KCP: variants seen among roughly 807,000 people sequenced by gnomAD.
KCP encodes kielin cysteine rich BMP regulator.
KCP carries 194 observed loss-of-function variants against 212.7 expected under a neutral mutation model. The observed-to-expected ratio is 0.91, with a 90% CI of 0.81 to 1.03. The LOEUF (loss-of-function observed/expected upper bound fraction) is 1.03, where lower values mean the gene tolerates loss of function less well. Ranked by LOEUF, KCP falls within the 50% of genes least tolerant of loss-of-function variation. The pLI, the probability that KCP is intolerant of heterozygous loss-of-function variation, is 0.00. For missense variants in KCP, 2,080 were observed against 2,162.5 expected (o/e 0.96, Z 0.76); for synonymous variants, 833 against 865.3 (o/e 0.96, Z 0.65).
intron 5 of KCP, 159 bp from the exon 6 acceptor site, chr7:128,904,297 G>A (rs1179408050): frequency 6.4e-7 from 1 of 1,550,772 alleles, no homozygotes; most frequent in East Asian, 2.4e-5. Flanking sequence ...GCCGGCAGAT[G>A]GGGCAGCACT....
intron 28 of KCP, among the ~76,000 whole-genome samples, chr7:128,884,509 G>C (rs1793523373): frequency 6.6e-6 from 1 of 152,156 alleles, no homozygotes; most frequent in Admixed American, 6.5e-5. Flanking sequence ...CACGTCCCAG[G>C]TGGCTCTCCG....
chr7:128,894,402 T>A (rs915933145), intron 8 of KCP, 109 bp from the exon 9 acceptor site: 5 of 836,350 alleles, frequency 6.0e-6, no homozygotes, highest in Non-Finnish European at 7.2e-6. Flanking sequence ...TGGGTTGAAT[T>A]GTGTGTCCCC....
chr7:128,905,486 G>A (rs553312317), intron 5 of KCP, among the ~76,000 whole-genome samples: 3 of 152,068 alleles, frequency 2.0e-5, no homozygotes, highest in South Asian at 2.1e-4. Flanking sequence ...CTATTCCAGG[G>A]GACCCAGCCA....
chr7:128,877,852 G>T, intron 38 of KCP, 62 bp from the exon 39 acceptor site: 4 of 1,404,964 alleles, frequency 2.8e-6, no homozygotes, highest in Non-Finnish European at 2.9e-6. Flanking sequence ...TGCATGCCGT[G>T]CTCTTCAAAG....
chr7:128,906,239 G>A, intron 5 of KCP, 40 bp downstream of exon 5: 1 of 1,488,964 alleles, frequency 6.7e-7, no homozygotes, highest in Non-Finnish European at 9.2e-7. Context: ...GGCCAGAGAA[G>A]GCAAGCAGGA....
Position 128,877,736 on chromosome 7 carries a change from G to A in KCP, c.4366C>T (p.Pro1456Ser). The A allele has an allele frequency of 5.2e-6, 8 of 1,550,878 alleles. No homozygotes were observed. The highest frequency in any genetic ancestry group is 7.0e-6 in the Non-Finnish European group (8 of 1,146,962). Residue 1456 changes from proline to serine, a missense_variant, in exon 39 of 40, where the codon CCG becomes TCG. By Grantham distance (74) the Pro-to-Ser change is moderately conservative. Transcript: ENST00000610776. ...GCACGGTAACCTGCTGCCCGGCACG[G>A]ATCCACCTCTCGGCCTGCAGAACAG... Reference protein sequence around the residue: ...RPCSAGREVDPCRAAGYRARR... With the variant: ...RPCSAGREVDSCRAAGYRARR...
chr7:128,881,578 T>C, intron 31 of KCP, 48 bp downstream of exon 31: 2 of 1,339,156 alleles, frequency 1.5e-6, no homozygotes, highest in Non-Finnish European at 2.0e-6. Flanking sequence ...CTTCCTGTGT[T>C]CCCCCTGGGC....
At position 128,903,043 on chromosome 7, in the gene KCP, C is replaced by T. The variant is rs766613785; in HGVS notation, c.749-184G>A. On this transcript the variant is annotated intron_variant, in intron 7 of 39. Coordinates refer to ENST00000610776, the MANE Select transcript of KCP (RefSeq NM_001366122.1). Reference sequence around the variant, plus strand: ...CAGTGCCCCAGGCAGGGTGAGGCCTCAGTTCCTTAGCCCGCCCTTTCTGGT... The same window carrying T: ...CAGTGCCCCAGGCAGGGTGAGGCCTTAGTTCCTTAGCCCGCCCTTTCTGGT... The T allele has an allele frequency of 4.3e-4, 260 of 611,162 alleles. 2 individuals carry two copies. The highest frequency in any genetic ancestry group is 1.7e-3 in the Middle Eastern group (4 of 2,348). 37.9% of individuals were successfully genotyped at this position (611,162 alleles called of 1,614,324 possible).
chr7:128,905,615 C>G (rs1795084796), intron 5 of KCP, among the ~76,000 whole-genome samples: 1 of 152,234 alleles, frequency 6.6e-6, no homozygotes, highest in Admixed American at 6.5e-5. Flanking sequence ...GCATCTAGCC[C>G]TCACCAGGTG....
In KCP at chr7:128,890,368, C is replaced by T; in HGVS notation, c.2310G>A (p.Arg770=). The part of the protein sequence containing the change: ...CAPALCPFPA[R]GDCCPDCDGC... Reference sequence around the variant, plus strand: ...CATCACAGTCAGGGCAGCAGTCGCCCCTGGCAGGGAAGGGGCACAGTGCAG... The same window carrying T: ...CATCACAGTCAGGGCAGCAGTCGCCTCTGGCAGGGAAGGGGCACAGTGCAG... The change falls in exon 21 of 40, where the codon AGG becomes AGA. Residue 770 remains arginine (R), a synonymous_variant. Coordinates refer to ENST00000610776, the MANE Select transcript of KCP (RefSeq NM_001366122.1). 2 of 1,551,438 alleles carry T rather than the reference C, an allele frequency of 1.3e-6. No individual in the cohort carries two copies. Among genetic ancestry groups the T allele is most frequent in the Non-Finnish European group, 1.7e-6 (2 of 1,147,006 alleles).
intron 8 of KCP, among the ~76,000 whole-genome samples, chr7:128,901,791 T>G (rs555828179): frequency 6.6e-6 from 1 of 152,308 alleles, no homozygotes; most frequent in Non-Finnish European, 1.5e-5. Context: ...ACAGAGTCCT[T>G]AGTCCTCAGC....
Position 128,902,780 on chromosome 7 carries a change from G to C in KCP, c.828C>G (p.Cys276Trp), listed in dbSNP as rs1349610256. ...TPGDPCRICR[C>W]LEGHIQCRQR... is the part of the protein sequence containing the mutation. Reference sequence around the variant, plus strand: ...CAGGAGCAGCCTCAGGACTCACCAGGCACCGGCAGATTCGGCAGGGGTCCC... The same window carrying C: ...CAGGAGCAGCCTCAGGACTCACCAGCCACCGGCAGATTCGGCAGGGGTCCC... Residue 276 changes from cysteine (C) to tryptophan (W), a missense_variant, in exon 8 of 40, where the codon TGC becomes TGG. By Grantham distance (215) the Cys-to-Trp change is radical. Coordinates refer to ENST00000610776, the MANE Select transcript of KCP (RefSeq NM_001366122.1). The C allele has an allele frequency of 6.4e-7, 1 of 1,551,438 alleles. No homozygotes were observed. Among genetic ancestry groups the C allele is most frequent in the South Asian group, 1.2e-5 (1 of 84,058 alleles).
At position 128,893,420 on chromosome 7, in the gene KCP, G is replaced by A. The variant is rs764048611; in HGVS notation, c.1156C>T (p.Arg386Trp). The A allele has an allele frequency of 1.8e-5, 28 of 1,551,620 alleles. No homozygotes were observed. Among genetic ancestry groups the A allele is most frequent in the Middle Eastern group, 1.7e-4 (1 of 5,992 alleles). Residue 386 changes from arginine (R) to tryptophan (W), a missense_variant, in exon 12 of 40, where the codon CGG (arginine) becomes TGG (tryptophan). Coordinates refer to ENST00000610776, the MANE Select transcript of KCP (RefSeq NM_001366122.1). ...CAGGAGCAGCGGACACAGAGGCCCC[G>A]CTCTTGGAGTCTGAAGGTCTCCTGG... is the stretch of plus-strand genomic sequence containing the variant. Reference protein sequence around the residue: ...QSQETFRLQERGLCVRCSCQA... With the variant: ...QSQETFRLQEWGLCVRCSCQA...
chr7:128,885,104 T>C lies in KCP; in HGVS notation c.3033A>G (p.Gln1011=), dbSNP rs1251978010. ...GCCCCAGGCTTCCAGTACCAGAGCA[T>C]TGAGGACAGCAGTCATGGGGCCCTT... ...PRQGPHDCCP[Q]CSDCEHEGRK... is the part of the protein sequence containing the mutation. The change falls in exon 27 of 40, where the codon CAA becomes CAG. Residue 1011 remains glutamine, a synonymous_variant. Transcript: ENST00000610776. 6.4e-6 allele frequency: 10 copies of C among 1,550,658 alleles called. No individual in the cohort carries two copies. The highest frequency in any genetic ancestry group is 1.7e-4 in the Middle Eastern group (1 of 5,988).
chr7:128,891,680 CG>C lies in KCP; in HGVS notation c.1760del (p.Pro587ArgfsTer40). 3 of 1,454,706 alleles carry C rather than the reference CG, an allele frequency of 2.1e-6. No individual in the cohort carries two copies. The highest frequency in any genetic ancestry group is 2.7e-6 in the Non-Finnish European group (3 of 1,102,202). The allele number at this position is 1,454,706 out of a possible 1,614,324, so 90.1% of individuals were successfully genotyped here. ...RPCPRAPCAH[P>X]LPGTCCPNDC... The stretch of plus-strand genomic sequence containing the variant: ...CGTTCGGGCAGCAGGTCCCAGGCAG[CG>C]GGTGGGCACAGGGGGCCCTGGGGCA... On this transcript the variant is annotated frameshift_variant, in exon 17 of 40. Transcript: ENST00000610776. LOFTEE classifies it high-confidence loss of function.
At chr7:128,887,393 A>C (rs1228896598) in intron 22 of KCP, 93 bp from the exon 23 acceptor site, 7 of 912,432 alleles carry the variant, frequency 7.7e-6, no homozygotes, top group Non-Finnish European at 1.2e-5. Flanking sequence ...ACACATACAC[A>C]GCCACAGCCA....
At position 128,881,997 on chromosome 7, in the gene KCP, T is replaced by C; in HGVS notation, c.3264A>G (p.Ser1088=). The change falls in exon 30 of 40, where the codon TCA becomes TCG. Residue 1088 remains serine (S), a synonymous_variant. Transcript: ENST00000610776. ...CTAGCTCAGATCCCAGCAGGCCCTC[T>C]GAACAGTTACTCAAGGCCTCTGTGA... ...PTCAEALSNC[S]EGLLGSELAP... 6.4e-7 allele frequency: 1 copy of C among 1,551,208 alleles called. No homozygotes were observed. The highest frequency in any genetic ancestry group is 8.7e-7 in the Non-Finnish European group (1 of 1,146,928).
intron 39 of KCP, 21 bp from the exon 40 acceptor site, chr7:128,877,332 G>C (rs117405945): frequency 1.2e-4 from 190 of 1,525,962 alleles, no homozygotes; most frequent in Non-Finnish European, 1.6e-4. Context: ...AGTGGGAGGC[G>C]GGGTTACCAA....
chr7:128,906,695 A>C (rs1253002749), intron 4 of KCP, among the ~76,000 whole-genome samples: 2 of 152,122 alleles, frequency 1.3e-5, no homozygotes, highest in African/African-American at 4.8e-5. Context: ...GCAACTGGTG[A>C]GGGAGAATAG....
Sources: gnomAD v4.1 joint callset for allele counts (sites outside exome capture counted in the v4.1 genomes callset) on GRCh38, gnomAD v4.1.1 for gene constraint, MANE v1.5 for transcripts, NCBI Gene and HGNC (gene_info 2026-07-23, HGNC 2026-07-21) for gene names.